RNGTT: variants seen among roughly 807,000 people sequenced by gnomAD.
RNGTT encodes the protein mRNA-capping enzyme.
RNGTT carries 33 observed loss-of-function variants against 79.3 expected under a neutral mutation model. The ratio of observed to expected loss-of-function variants is 0.42; its 90% CI spans 0.32 to 0.56. The LOEUF is 0.56. Among genes scored for constraint, RNGTT ranks in the 20% least tolerant of loss-of-function variants. RNGTT has a pLI of 0.17. For missense variants in RNGTT, 497 were observed against 739.1 expected (o/e 0.67, Z 3.80); for synonymous variants, 222 against 235.9 (o/e 0.94, Z 0.54).
In RNGTT at chr6:88,854,221, C is replaced by T. The variant is rs190743848; in HGVS notation, c.897-457G>A. Among the ~76,000 whole-genome samples, 46 of 152,178 alleles carry T rather than the reference C, an allele frequency of 3.0e-4. 2 individuals are homozygous for T. In the East Asian group the frequency reaches 7.3e-3, roughly 24 times the overall value. On this transcript the variant is annotated intron_variant, in intron 8 of 15. Transcript: ENST00000369485. ...CTGCGATTACAGCGATGAGCCACCA[C>T]GCCTAGTCCACAAATAATAATTTTT...
At chr6:88,867,468 G>C (rs764447809) in intron 8 of RNGTT, among the ~76,000 whole-genome samples, 1 of 151,954 alleles carries the variant, frequency 6.6e-6, no homozygotes, top group Non-Finnish European at 1.5e-5. Flanking sequence ...GGGCAACAGA[G>C]AAAGACTCCA....
intron 8 of RNGTT, among the ~76,000 whole-genome samples, chr6:88,861,773 A>G (rs370346544): frequency 1.1e-4 from 17 of 152,132 alleles, no homozygotes; most frequent in East Asian, 5.8e-4. Context: ...AATAGTCTCT[A>G]TCTCCTTATC....
At chr6:88,772,767 G>T (rs1778733758) in intron 12 of RNGTT, among the ~76,000 whole-genome samples, 1 of 151,748 alleles carries the variant, frequency 6.6e-6, no homozygotes, top group African/African-American at 2.4e-5. Context: ...AAACCACAAT[G>T]AGATATCATC....
chr6:88,794,957 A>C (rs1161482403), intron 12 of RNGTT, among the ~76,000 whole-genome samples: 2 of 152,182 alleles, frequency 1.3e-5, no homozygotes, highest in South Asian at 2.1e-4. Context: ...GAATGAGAAC[A>C]GCTGCTACCA....
At chr6:88,929,992 G>A (rs547312126) in intron 2 of RNGTT, among the ~76,000 whole-genome samples, 160 of 141,258 alleles carry the variant, frequency 1.1e-3, no homozygotes, top group African/African-American at 4.0e-3. Flanking sequence ...GCATATACAT[G>A]TATACATATA....
intron 11 of RNGTT, among the ~76,000 whole-genome samples, chr6:88,824,663 G>A (rs561334471): frequency 3.8e-4 from 57 of 151,962 alleles, no homozygotes; most frequent in African/African-American, 1.3e-3. Context: ...AAGTTCCGTT[G>A]GACAGGTCTG....
chr6:88,902,854 C>G (rs1783520414), intron 6 of RNGTT, among the ~76,000 whole-genome samples: 1 of 151,902 alleles, frequency 6.6e-6, no homozygotes, highest in South Asian at 2.1e-4. Context: ...CGCCACCACG[C>G]CCAGCTAATT....
intron 14 of RNGTT, among the ~76,000 whole-genome samples, chr6:88,659,781 C>A (rs1312990087): frequency 6.6e-6 from 1 of 152,086 alleles, no homozygotes; most frequent in Non-Finnish European, 1.5e-5. Context: ...TCTAGACATC[C>A]AAATACAGGA....
intron 5 of RNGTT, 70 bp from the exon 6 acceptor site, chr6:88,905,025 T>C: frequency 1.9e-6 from 3 of 1,551,686 alleles, no homozygotes; most frequent in East Asian, 4.5e-5. Context: ...AAAACTCACT[T>C]ATTATATTCA....
At chr6:88,727,529 T>C (rs542624455) in intron 13 of RNGTT, among the ~76,000 whole-genome samples, 4 of 152,328 alleles carry the variant, frequency 2.6e-5, no homozygotes, top group African/African-American at 7.2e-5. Flanking sequence ...AAGGAGTCTA[T>C]AAAAATCTTA....
At chr6:88,811,558 C>T (rs915367103) in intron 11 of RNGTT, among the ~76,000 whole-genome samples, 1 of 152,040 alleles carries the variant, frequency 6.6e-6, no homozygotes, top group African/African-American at 2.4e-5. Flanking sequence ...ACATTAGAAA[C>T]ATGAGAAATA....
At chr6:88,760,544 T>C (rs1264726419) in intron 13 of RNGTT, among the ~76,000 whole-genome samples, 2 of 152,180 alleles carry the variant, frequency 1.3e-5, no homozygotes, top group African/African-American at 4.8e-5. Context: ...ATAGCTATAT[T>C]ATACATAAAA....
intron 12 of RNGTT, among the ~76,000 whole-genome samples, chr6:88,798,447 A>G (rs548883370): frequency 1.2e-4 from 18 of 151,684 alleles, no homozygotes; most frequent in Admixed American, 3.3e-4. Flanking sequence ...CCTGGGCAAC[A>G]AAGTGAGACC....
At chr6:88,953,299 G>T (rs1785317659) in intron 1 of RNGTT, among the ~76,000 whole-genome samples, 1 of 152,100 alleles carries the variant, frequency 6.6e-6, no homozygotes, top group Admixed American at 6.5e-5. Flanking sequence ...TTCTGGAAAT[G>T]AAAGACACAC....
rs149914657 is a variant in RNGTT, at chr6:88,654,046, G to A, written c.1506+24307C>T. ...GAACTTTTATCTACAACTACTGTAT[G>A]ACTCGTTAGTAATCACTGCATGATT... On this transcript the variant is annotated intron_variant, in intron 14 of 15. Transcript: ENST00000369485. Among the ~76,000 whole-genome samples, 18 of 152,286 alleles carry A rather than the reference G, an allele frequency of 1.2e-4. No homozygotes were observed. The East Asian group carries it at 3.5e-3, about 29-fold the overall frequency.
intron 8 of RNGTT, among the ~76,000 whole-genome samples, chr6:88,861,282 T>C (rs1397591698): frequency 6.6e-6 from 1 of 152,134 alleles, no homozygotes; most frequent in Non-Finnish European, 1.5e-5. Flanking sequence ...AGACAGAATA[T>C]ATAAACCTTC....
At chr6:88,794,465 T>C (rs1390695155) in intron 12 of RNGTT, among the ~76,000 whole-genome samples, 1 of 152,180 alleles carries the variant, frequency 6.6e-6, no homozygotes, top group East Asian at 1.9e-4. Flanking sequence ...AACACAAAGA[T>C]GCATTTTCAT....
intron 8 of RNGTT, among the ~76,000 whole-genome samples, chr6:88,858,133 C>G (rs1781896680): frequency 6.6e-6 from 1 of 152,132 alleles, no homozygotes; most frequent in Non-Finnish European, 1.5e-5. Flanking sequence ...AACAGAAAAG[C>G]TGATCATTTA....
At chr6:88,779,085 T>C in intron 12 of RNGTT, among the ~76,000 whole-genome samples, 1 of 148,350 alleles carries the variant, frequency 6.7e-6, no homozygotes, top group East Asian at 1.9e-4. Context: ...TAGTAAAGCT[T>C]ATTTGACAGA....
Sources: allele counts gnomAD v4.1 joint callset (sites outside exome capture counted in the v4.1 genomes callset), GRCh38; gene constraint gnomAD v4.1.1; transcripts MANE v1.5; gene names NCBI Gene and HGNC (gene_info 2026-07-23, HGNC 2026-07-21).